The following TENM2 variants were observed in gnomAD, a reference collection of about 807,000 sequenced individuals.
TENM2 encodes the protein teneurin transmembrane protein 2.
TENM2 carries 52 observed loss-of-function variants against 245.2 expected under a neutral mutation model. The observed-to-expected ratio is 0.21, with a 90% confidence interval of 0.17 to 0.27. The LOEUF (loss-of-function observed/expected upper bound fraction) is 0.27, where lower values mean the gene tolerates loss of function less well. TENM2 is among the 10% of genes least tolerant of loss of function. The probability of loss-of-function intolerance (pLI) is 1.00; values close to 1 mark genes in which losing one functional copy is unlikely to be tolerated. For synonymous variants in TENM2, 1,363 were observed against 1,438.9 expected (o/e 0.95, Z 1.19); for missense variants, 3,046 against 3,666.8 (o/e 0.83, Z 4.37).
At chr5:167,416,853 C>T (rs536279761) in intron 2 of TENM2, among the ~76,000 whole-genome samples, 5 of 152,164 alleles carry the variant, frequency 3.3e-5, no homozygotes, top group East Asian at 1.9e-4. Flanking sequence ...TGTGTATAAT[C>T]GATCGCTTTT....
intron 2 of TENM2, among the ~76,000 whole-genome samples, chr5:167,470,459 T>TTTTTTTTTTTTTTTTTTTTC (rs1488015656): frequency 6.9e-6 from 1 of 144,348 alleles, no homozygotes; most frequent in Non-Finnish European, 1.5e-5. Context: ...GCTTGCTTTT[T>TTTTTTTTTTTTTTTTTTTTC]TTTTTTTTTT....
chr5:167,417,326 T>A (rs1763221649), intron 2 of TENM2, among the ~76,000 whole-genome samples: 1 of 152,122 alleles, frequency 6.6e-6, no homozygotes, highest in Admixed American at 6.6e-5. Flanking sequence ...CTGCCATCAT[T>A]CTATACTGGA....
At chr5:167,057,226 T>C in the TENM2 span, among the ~76,000 whole-genome samples, 2 of 152,180 alleles carry the variant, frequency 1.3e-5, no homozygotes, top group African/African-American at 2.4e-5. Context: ...ACATCATTTA[T>C]CTATTTTTGC....
intron 2 of TENM2, among the ~76,000 whole-genome samples, chr5:167,702,108 A>G (rs533868653): frequency 5.3e-5 from 8 of 152,178 alleles, no homozygotes; most frequent in Non-Finnish European, 1.2e-4. Context: ...AGGATTATTG[A>G]CATCTTTTTA....
chr5:167,332,344 A>G (rs755205263), intron 1 of TENM2, among the ~76,000 whole-genome samples: 7 of 151,996 alleles, frequency 4.6e-5, no homozygotes, highest in Admixed American at 2.6e-4. Flanking sequence ...CTATATTTGT[A>G]TGGATAGCTC....
the TENM2 span, among the ~76,000 whole-genome samples, chr5:167,278,176 C>A: frequency 6.6e-6 from 1 of 152,062 alleles, no homozygotes; most frequent in African/African-American, 2.4e-5. Context: ...TGGTGGCACA[C>A]GCTTGTAGTC....
intron 25 of TENM2, among the ~76,000 whole-genome samples, chr5:168,230,730 C>T (rs1047610152): frequency 1.3e-5 from 2 of 152,110 alleles, no homozygotes; most frequent in Non-Finnish European, 2.9e-5. Context: ...TATTAGGTGC[C>T]AACACTACAG....
intron 3 of TENM2, among the ~76,000 whole-genome samples, chr5:167,917,677 C>T (rs1433994627): frequency 6.6e-6 from 1 of 152,098 alleles, no homozygotes; most frequent in South Asian, 2.1e-4. Context: ...GCACTTCTCC[C>T]TGTAACTGAC....
At chr5:167,752,959 C>CT (rs1428383769) in intron 2 of TENM2, among the ~76,000 whole-genome samples, 1 of 152,134 alleles carries the variant, frequency 6.6e-6, no homozygotes, top group African/African-American at 2.4e-5. Context: ...CTTAATTCCT[C>CT]TAAGTATCTA....
intron 2 of TENM2, among the ~76,000 whole-genome samples, chr5:167,859,506 TGGG>T (rs1425479872): frequency 1.4e-5 from 1 of 73,852 alleles, no homozygotes; most frequent in Non-Finnish European, 2.6e-5. Context: ...GGGAGGGAGA[TGGG>T]GGGGTCAGCC....
chr5:168,199,514 T>C (rs1230236099), intron 16 of TENM2, among the ~76,000 whole-genome samples: 1 of 152,228 alleles, frequency 6.6e-6, no homozygotes, highest in Non-Finnish European at 1.5e-5. Flanking sequence ...GTGGAAGTTG[T>C]AGGTTCGTAT....
intron 1 of TENM2, among the ~76,000 whole-genome samples, chr5:167,324,092 G>T (rs1258255074): frequency 2.6e-5 from 4 of 152,196 alleles, no homozygotes; most frequent in African/African-American, 9.7e-5. Flanking sequence ...TCCTCATGGT[G>T]AAGTGAAGAT....
At chr5:167,499,876 ATATG>A (rs1769063145) in intron 2 of TENM2, among the ~76,000 whole-genome samples, 1 of 119,822 alleles carries the variant, frequency 8.3e-6, no homozygotes, top group South Asian at 3.0e-4. Flanking sequence ...ATGTGAGGGT[ATATG>A]TGTGTGTGTG....
intron 2 of TENM2, among the ~76,000 whole-genome samples, chr5:167,621,711 A>G (rs1345423322): frequency 1.3e-5 from 2 of 152,140 alleles, no homozygotes; most frequent in Non-Finnish European, 2.9e-5. Context: ...TACCTAACAT[A>G]GGTAAGCAAT....
At chr5:167,280,276 C>T (rs112189061), upstream of TENM2, among the ~76,000 whole-genome samples, 13 of 152,270 alleles carry the variant, frequency 8.5e-5, no homozygotes, top group South Asian at 4.1e-4. Context: ...CTGCTTACAC[C>T]GCAGGGGGCA....
chr5:168,209,946 G>T (rs1458419874), intron 19 of TENM2, among the ~76,000 whole-genome samples: 1 of 152,168 alleles, frequency 6.6e-6, no homozygotes, highest in African/African-American at 2.4e-5. Context: ...GACCCTGAAG[G>T]CTTCCCAGAG....
intron 12 of TENM2, chr5:168,149,516 A>C: frequency 4.4e-6 from 2 of 456,530 alleles, no homozygotes; most frequent in Non-Finnish European, 8.8e-6. Context: ...TGTTAGGAAA[A>C]CAGAAACACA....
At chr5:167,864,696 T>G (rs1305433734) in intron 2 of TENM2, among the ~76,000 whole-genome samples, 3 of 152,232 alleles carry the variant, frequency 2.0e-5, no homozygotes, top group Non-Finnish European at 4.4e-5. Context: ...AAAACCTCGG[T>G]TCCAACTCTT....
intron 2 of TENM2, among the ~76,000 whole-genome samples, chr5:167,792,901 C>T (rs954827521): frequency 6.6e-6 from 1 of 152,158 alleles, no homozygotes; most frequent in East Asian, 1.9e-4. Flanking sequence ...TCTGAGGTTT[C>T]GGTCCCTGAC....
Sources: allele counts gnomAD v4.1 joint callset (sites outside exome capture counted in the v4.1 genomes callset), GRCh38; gene constraint gnomAD v4.1.1; transcripts MANE v1.5; gene names NCBI Gene and HGNC (gene_info 2026-07-23, HGNC 2026-07-21).